The following TNRC18 variants were observed in gnomAD, a reference collection of about 807,000 sequenced individuals.
The protein encoded by TNRC18 is trinucleotide repeat containing 18.
A neutral mutation model predicts 226.7 loss-of-function variants in TNRC18; 69 were observed. The observed-to-expected ratio is 0.30, with a 90% CI of 0.25 to 0.37. TNRC18 has a LOEUF of 0.37. TNRC18 is among the 10% of genes least tolerant of loss of function. The pLI is 1.00. For missense variants in TNRC18, 4,754 were observed against 4,256.6 expected, an observed-to-expected ratio of 1.12 and a Z score of -3.25; for synonymous variants, 2,449 against 1,927.6, an observed-to-expected ratio of 1.27 and a Z score of -7.09.
intron 1 of TNRC18, among the ~76,000 whole-genome samples, chr7:5,422,047 G>A (rs532565353): frequency 1.1e-4 from 17 of 152,210 alleles, no homozygotes; most frequent in African/African-American, 4.1e-4. Flanking sequence ...GGGGTGGGAG[G>A]AGGGAGGGTC....
At position 5,352,070 on chromosome 7, in the gene TNRC18, T is replaced by C; in HGVS notation, c.5219A>G (p.Glu1740Gly). Residue 1740 changes from glutamate (E) to glycine (G), a missense_variant, in exon 17 of 30, where the codon GAA (glutamate) becomes GGA (glycine). Physicochemically the swap from Glu to Gly is moderately conservative, Grantham distance 98. Coordinates refer to ENST00000430969, the MANE Select transcript of TNRC18 (RefSeq NM_001080495.3). ...SYNTDSEEDE[E>G]FLKDEWPAQG... ...GGCGGGCCACTCGTCCTTCAGGAAT[T>C]CTTCGTCTTCCTCTGAGTCCGTATC... The C allele has an allele frequency of 6.2e-7, 1 of 1,610,134 alleles. No individual in the cohort carries two copies. The highest frequency in any genetic ancestry group is 8.5e-7 in the Non-Finnish European group (1 of 1,177,648).
intron 17 of TNRC18, among the ~76,000 whole-genome samples, chr7:5,346,499 A>G (rs1020828050): frequency 6.6e-6 from 1 of 152,200 alleles, no homozygotes; most frequent in Non-Finnish European, 1.5e-5. Flanking sequence ...TCAGTCTCAA[A>G]AAAATAAAAT....
At chr7:5,314,094 A>AGGCC (rs1308158459) in intron 26 of TNRC18, among the ~76,000 whole-genome samples, 1 of 151,918 alleles carries the variant, frequency 6.6e-6, no homozygotes, top group East Asian at 1.9e-4. Flanking sequence ...AAGTAACCTG[A>AGGCC]GGCCACAAGC....
rs1402170727 is a variant in TNRC18, at chr7:5,371,095, C to T, written c.3499G>A (p.Glu1167Lys). 3.1e-6 allele frequency: 5 copies of T among 1,612,244 alleles called. No homozygotes were observed. The South Asian group carries it at 4.4e-5, about 14-fold the overall frequency. Residue 1167 changes from glutamate (E) to lysine (K), a missense_variant, in exon 11 of 30, where the codon GAG becomes AAG. Glu to Lys is a moderately conservative substitution (Grantham distance 56). Coordinates refer to ENST00000430969, the MANE Select transcript of TNRC18 (RefSeq NM_001080495.3). Reference protein sequence around the residue: ...EVKAEVEDMDEGPTELPPLES... With the variant: ...EVKAEVEDMDKGPTELPPLES... ...AGAGGCGGCAGCTCTGTGGGGCCCT[C>T]GTCCATGTCCTCCACCTCTGCCTTC...
At chr7:5,401,984 G>A (rs7809657) in intron 2 of TNRC18, among the ~76,000 whole-genome samples, 2 of 151,290 alleles carry the variant, frequency 1.3e-5, no homozygotes, top group Non-Finnish European at 2.9e-5. Context: ...GACCATCCTG[G>A]CTAACACGGT....
In TNRC18 at chr7:5,309,299, G is replaced by A. The variant is rs759777568; in HGVS notation, c.8458C>T (p.Arg2820Cys). Reference protein sequence around the residue: ...KAIVRGKEMIRIGDCAVFLSA... With the variant: ...KAIVRGKEMICIGDCAVFLSA... ...AGGAACACGGCACAGTCCCCGATAC[G>A]GATCATCTCCTTGCCGCGCACGATG... is the stretch of plus-strand genomic sequence containing the variant. The change falls in exon 28 of 30, where the codon CGT becomes TGT. Residue 2820 changes from arginine (R) to cysteine (C), a missense_variant. Transcript: ENST00000430969. This position sits in a 1 kb window ranked among gnomAD's most constrained non-coding sequence, Gnocchi z 5.7. 4.4e-5 allele frequency: 71 copies of A among 1,613,878 alleles called. No homozygotes were observed. The highest frequency in any genetic ancestry group is 6.7e-5 in the Admixed American group (4 of 60,010).
chr7:5,371,000 A>T lies in TNRC18; in HGVS notation c.3594T>A (p.Gly1198=). 1 of 1,607,152 alleles carries T rather than the reference A, an allele frequency of 6.2e-7. No individual in the cohort carries two copies. Among genetic ancestry groups the T allele is most frequent in the South Asian group, 1.1e-5 (1 of 91,066 alleles). ...ATPSPAGGCG[G]GLLEAQALSA... Reference sequence around the variant, plus strand: ...TCAGCGCCTGGGCCTCCAACAGGCCACCTCCACAACCCCCTGCAGGGCTGG... The same window carrying T: ...TCAGCGCCTGGGCCTCCAACAGGCCTCCTCCACAACCCCCTGCAGGGCTGG... Residue 1198 remains glycine, a synonymous_variant, in exon 11 of 30, where the codon GGT becomes GGA. Coordinates refer to ENST00000430969, the MANE Select transcript of TNRC18 (RefSeq NM_001080495.3).
In TNRC18 at chr7:5,376,194, G is replaced by C; in HGVS notation, c.2639C>G (p.Pro880Arg). 6.5e-7 allele frequency: 1 copy of C among 1,535,182 alleles called. No homozygotes were observed. The highest frequency in any genetic ancestry group is 8.7e-7 in the Non-Finnish European group (1 of 1,143,484). The change falls in exon 9 of 30, where the codon CCC becomes CGC. Residue 880 changes from proline (P) to arginine (R), a missense_variant. Pro to Arg is a moderately radical substitution (Grantham distance 103). Transcript: ENST00000430969. ...AELMERATVP[P>R]LWPALYPPGR... is the part of the protein sequence containing the mutation. ...CGGCGGGTACAGGGCGGGCCAGAGG[G>C]GCGGTACGGTGGCCCGCTCCATCAG...
In TNRC18 at chr7:5,357,046, C is replaced by G; in HGVS notation, c.5064G>C (p.Leu1688=). 1 of 1,552,254 alleles carries G rather than the reference C, an allele frequency of 6.4e-7. No homozygotes were observed. The highest frequency in any genetic ancestry group is 1.7e-4 in the Middle Eastern group (1 of 5,996). The change falls in exon 16 of 30, where the codon CTG becomes CTC. Residue 1688 remains leucine (L), a synonymous_variant. Coordinates refer to ENST00000430969, the MANE Select transcript of TNRC18 (RefSeq NM_001080495.3). The part of the protein sequence containing the change: ...KALAKGLGLS[L]KSSREGKHKR... The stretch of plus-strand genomic sequence containing the variant: ...TGTGTTTACCTTCTCTGGAGGATTT[C>G]AGAGACAGGCCGAGGCCCTTGGCCA...
chr7:5,309,381 G>GT lies in TNRC18; in HGVS notation c.8389-14dup. On this transcript the variant is annotated splice_polypyrimidine_tract_variant and intron_variant, in intron 27 of 29. Transcript: ENST00000430969. This position sits in a 1 kb window ranked among gnomAD's most constrained non-coding sequence, Gnocchi z 5.7. ...TCATGCCACGCCGCTGCAAGGACACGTGTGTCACGGCACAGGCCCTGGCCC... is the reference window on the plus strand; with the variant it reads ...TCATGCCACGCCGCTGCAAGGACACGTTGTGTCACGGCACAGGCCCTGGCCC... The GT allele has an allele frequency of 6.3e-7, 1 of 1,596,780 alleles. No individual in the cohort carries two copies. Among genetic ancestry groups the GT allele is most frequent in the Non-Finnish European group, 8.5e-7 (1 of 1,171,548 alleles).
chr7:5,355,205 C>A (rs554754651), intron 16 of TNRC18, among the ~76,000 whole-genome samples: 8 of 152,370 alleles, frequency 5.3e-5, no homozygotes, highest in Admixed American at 5.2e-4. Context: ...AGCAAGCACC[C>A]ACTACCTGCC....
At chr7:5,393,124 G>T (rs899281240) in intron 3 of TNRC18, among the ~76,000 whole-genome samples, 5 of 152,250 alleles carry the variant, frequency 3.3e-5, no homozygotes, top group Admixed American at 3.3e-4. Flanking sequence ...GTCATCACTA[G>T]GATTTGTTGG....
Position 5,341,524 on chromosome 7 carries a change from G to A in TNRC18, c.5719+4038C>T, listed in dbSNP as rs145613144. 5.2e-3 allele frequency among the ~76,000 whole-genome samples: 795 copies of A among 152,134 alleles called. 10 individuals carry two copies. Among genetic ancestry groups the A allele is most frequent in the African/African-American group, 0.018 (765 of 41,508 alleles). On this transcript the variant is annotated intron_variant, in intron 18 of 29. Coordinates refer to ENST00000430969, the MANE Select transcript of TNRC18 (RefSeq NM_001080495.3). The stretch of plus-strand genomic sequence containing the variant: ...CACACCTGTAATCCCAGCACTTTGG[G>A]AGGCCAAGGCAGGAGGATCATTTGA...
chr7:5,413,961 T>G (rs1408706748), intron 2 of TNRC18, among the ~76,000 whole-genome samples: 1 of 152,196 alleles, frequency 6.6e-6, no homozygotes, highest in African/African-American at 2.4e-5. Flanking sequence ...CTGTCTTATT[T>G]GTTTTTTTTG....
At position 5,307,459 on chromosome 7, in the gene TNRC18, G is replaced by T. The variant is rs1786659347; in HGVS notation, c.*647C>A. The T allele has an allele frequency of 2.4e-6, 1 of 410,016 alleles. No homozygotes were observed. The highest frequency in any genetic ancestry group is 1.7e-5 in the South Asian group (1 of 58,604). The allele number at this position is 410,016 out of a possible 1,614,324, so 25.4% of individuals were successfully genotyped here. ...CCATTGGGGTTTTCTGTAGTGTGAG[G>T]GTTTGGACCAGGGTGGGCCTGTGCC... On this transcript the variant is annotated 3_prime_UTR_variant, in exon 30 of 30. Coordinates refer to ENST00000430969, the MANE Select transcript of TNRC18 (RefSeq NM_001080495.3).
rs1327769764 is a variant in TNRC18 at position 5,413,947 on chromosome 7, C to G, written c.187+7113G>C. Among the ~76,000 whole-genome samples the G allele has an allele frequency of 2.0e-5, 3 of 152,038 alleles. No individual in the cohort carries two copies. In the East Asian group the frequency reaches 5.8e-4, roughly 29 times the overall value. On this transcript the variant is annotated intron_variant, in intron 2 of 29. Transcript: ENST00000430969. Reference sequence around the variant, plus strand: ...CCAGATCCAACAACTGTGAACTGCTCTCACTGTCTTATTTGTTTTTTTTGA... The same window carrying G: ...CCAGATCCAACAACTGTGAACTGCTGTCACTGTCTTATTTGTTTTTTTTGA...
rs1236458084 is a variant in TNRC18 at position 5,315,274 on chromosome 7, G to A, written c.6863-126C>T. Reference sequence around the variant, plus strand: ...CAACCGACACCAGGTGGCTGACCCCGGATGGGCTCCCATGACAGGCTGTGA... The same window carrying A: ...CAACCGACACCAGGTGGCTGACCCCAGATGGGCTCCCATGACAGGCTGTGA... On this transcript the variant is annotated intron_variant, in intron 25 of 29. Transcript: ENST00000430969. 1.4e-5 allele frequency: 14 copies of A among 1,026,128 alleles called. No individual in the cohort carries two copies. In the Admixed American group the frequency reaches 3.0e-4, roughly 22 times the overall value. 63.6% of individuals were successfully genotyped at this position (1,026,128 alleles called of 1,614,324 possible). A position where few individuals can be genotyped will look rare whatever the true frequency, so the allele number is the denominator to read the frequency against.
chr7:5,310,709 T>A (rs549704766), intron 27 of TNRC18, among the ~76,000 whole-genome samples: 2 of 152,244 alleles, frequency 1.3e-5, no homozygotes, highest in Non-Finnish European at 2.9e-5. Context: ...CAAGAGAGAC[T>A]TGAAACTCCA....
chr7:5,390,288 G>A (rs1303580817), intron 4 of TNRC18, 197 bp downstream of exon 4: 4 of 597,458 alleles, frequency 6.7e-6, no homozygotes, highest in Non-Finnish European at 8.6e-6. Flanking sequence ...TCATTTGGGA[G>A]TTTGAGGCTG....
Sources: allele counts gnomAD v4.1 joint callset (sites outside exome capture counted in the v4.1 genomes callset), GRCh38; gene constraint gnomAD v4.1.1; non-coding constraint Gnocchi (gnomAD v3.1); transcripts MANE v1.5; gene names NCBI Gene and HGNC (gene_info 2026-07-23, HGNC 2026-07-21).